Variants in GP6 observed in about 807,000 individuals in gnomAD.
The protein encoded by GP6 is glycoprotein VI platelet.
Under a neutral mutation model 37.3 loss-of-function variants are expected in GP6, and 45 were observed. That is an observed-to-expected ratio of 1.21 (90% CI 0.95 to 1.55). The LOEUF (loss-of-function observed/expected upper bound fraction) is 1.55, where lower values mean the gene tolerates loss of function less well. Among genes scored for constraint, GP6 ranks in the 40% most tolerant of loss-of-function variants. GP6 has a pLI of 0.00. For synonymous variants in GP6, 340 were observed against 316.4 expected (o/e 1.07, Z -0.79); for missense variants, 813 against 760.2 (o/e 1.07, Z -0.82).
In GP6 at chr19:55,014,315, T is replaced by G; in HGVS notation, c.1630A>C (p.Met544Leu). ...TGTTGGTAGAGATGAGGTTTCACCA[T>G]GTTGCACAGGCTGATCTTGTTTTCT... Residue 544 changes from methionine (M) to leucine (L), a missense_variant, in exon 8 of 8, where the codon ATG becomes CTG. Transcript: ENST00000310373. 1 of 1,572,596 alleles carries G rather than the reference T, an allele frequency of 6.4e-7. No homozygotes were observed. The highest frequency in any genetic ancestry group is 8.7e-7 in the Non-Finnish European group (1 of 1,143,660).
intron 1 of GP6, among the ~76,000 whole-genome samples, chr19:55,034,150 ATGTGTGTGTGTGTG>A (rs61435060): frequency 1.3e-5 from 2 of 149,158 alleles, no homozygotes; most frequent in African/African-American, 2.5e-5. Context: ...ATATGTATGC[ATGTGTGTGTGTGTG>A]TGTGTGTGTG....
At chr19:55,016,771 G>A (rs2073891625) in intron 6 of GP6, among the ~76,000 whole-genome samples, 1 of 151,616 alleles carries the variant, frequency 6.6e-6, no homozygotes, top group Non-Finnish European at 1.5e-5. Flanking sequence ...ACATTGTCAG[G>A]CCAGGCATGA....
rs374509474 is a variant in GP6, at chr19:55,014,955, C to T, written c.990G>A (p.Pro330=). 1.1e-5 allele frequency: 18 copies of T among 1,612,706 alleles called. No homozygotes were observed. The African/African-American group carries it at 1.6e-4, about 14-fold the overall frequency. Reference sequence around the variant, plus strand: ...TAACCCGCGGCTGTGAACATCCTGTCGGCCTCCATCCTGACCCCCGTTTGA... The same window carrying T: ...TAACCCGCGGCTGTGAACATCCTGTTGGCCTCCATCCTGACCCCCGTTTGA... The change falls in exon 8 of 8, where the codon CCG becomes CCA. Residue 330 remains proline (P), a synonymous_variant. Transcript: ENST00000310373.
intron 4 of GP6, among the ~76,000 whole-genome samples, chr19:55,025,484 T>C (rs960067989): frequency 6.6e-6 from 1 of 152,138 alleles, no homozygotes; most frequent in Non-Finnish European, 1.5e-5. Context: ...GGAGGGCAGA[T>C]CACTTGAGGT....
Position 55,015,087 on chromosome 19 carries a change from C to T in GP6, c.858G>A (p.Gly286=), listed in dbSNP as rs2073818533. ...GCTGTGCCAGTCCTCTGCCAGAAAC[C>T]CCGCCAGGATTATTAGGATCACAGC... Residue 286 remains glycine, a synonymous_variant, in exon 8 of 8, where the codon GGG becomes GGA. Coordinates refer to ENST00000310373, the MANE Select transcript of GP6 (RefSeq NM_001083899.2). The T allele has an allele frequency of 1.5e-5, 24 of 1,599,260 alleles. No individual in the cohort carries two copies. The highest frequency in any genetic ancestry group is 2.0e-5 in the Non-Finnish European group (24 of 1,173,342).
chr19:55,032,675 G>A, intron 1 of GP6, 137 bp from the exon 2 acceptor site: 4 of 949,352 alleles, frequency 4.2e-6, no homozygotes, highest in Non-Finnish European at 6.7e-6. Flanking sequence ...ACACAGGAAT[G>A]TAATTTAAGT....
rs766027583 is a variant in GP6, at chr19:55,027,708, C to T, written c.480G>A (p.Trp160Ter). ...TGATGATGGGAAAACTAGCCCTGTA[C>T]CATCTCTCGGGATTCTTGTAGGGCG... The change falls in exon 4 of 8, where the codon TGG becomes TGA. Residue 160 changes from tryptophan (W) to a stop codon, truncating the protein, a stop_gained. Transcript: ENST00000310373. LOFTEE classifies it high-confidence loss of function. 3.7e-6 allele frequency: 6 copies of T among 1,613,274 alleles called. No individual in the cohort carries two copies. The South Asian group carries it at 5.5e-5, about 15-fold the overall frequency.
At chr19:55,033,723 A>T (rs1273566897) in intron 1 of GP6, among the ~76,000 whole-genome samples, 1 of 152,130 alleles carries the variant, frequency 6.6e-6, no homozygotes, top group Admixed American at 6.5e-5. Flanking sequence ...TGCATATTGT[A>T]TATTATTGTA....
At chr19:55,025,668 T>C (rs551535219) in intron 4 of GP6, among the ~76,000 whole-genome samples, 4 of 151,114 alleles carry the variant, frequency 2.6e-5, no homozygotes, top group Admixed American at 6.6e-5. Context: ...ATCGCACCAC[T>C]GCACTCCAGC....
chr19:55,036,676 G>A (rs1466268489), intron 1 of GP6, among the ~76,000 whole-genome samples: 1 of 152,102 alleles, frequency 6.6e-6, no homozygotes, highest in African/African-American at 2.4e-5. Context: ...TCCTGCCTGG[G>A]TGACAGAAGT....
rs544204663 is a variant in GP6 at position 55,022,150 on chromosome 19, T to C, written c.664+3068A>G. On this transcript the variant is annotated intron_variant, in intron 5 of 7. Transcript: ENST00000310373. Reference sequence around the variant, plus strand: ...TTTGCTGAGCAGAAGCTCTTTAGTTTAGTTAGATCCCATTTGTCAGTTTTT... The same window carrying C: ...TTTGCTGAGCAGAAGCTCTTTAGTTCAGTTAGATCCCATTTGTCAGTTTTT... Among the ~76,000 whole-genome samples the C allele has an allele frequency of 3.0e-4, 45 of 152,370 alleles. No homozygotes were observed. The South Asian group carries it at 9.1e-3, about 31-fold the overall frequency.
chr19:55,022,471 C>T (rs1004793238), intron 5 of GP6, among the ~76,000 whole-genome samples: 7 of 152,178 alleles, frequency 4.6e-5, no homozygotes, highest in African/African-American at 1.4e-4. Flanking sequence ...CCCTCTTTCA[C>T]CACTCCTATT....
In GP6 at chr19:55,014,170, C is replaced by T. The variant is rs1161213494; in HGVS notation, c.1775G>A (p.Arg592Lys). The change falls in exon 8 of 8, where the codon AGA becomes AAA. Residue 592 changes from arginine to lysine, a missense_variant. Physicochemically the swap from Arg to Lys is conservative, Grantham distance 26. Transcript: ENST00000310373. Reference sequence around the variant, plus strand: ...CCGAGCTAGAGTGCAGTGGTGTGATCTCAGCTCACTGCAACCTCTGCCTCC... The same window carrying T: ...CCGAGCTAGAGTGCAGTGGTGTGATTTCAGCTCACTGCAACCTCTGCCTCC... The T allele has an allele frequency of 4.3e-6, 3 of 704,236 alleles. No individual in the cohort carries two copies. The highest frequency in any genetic ancestry group is 7.8e-6 in the Non-Finnish European group (3 of 386,404). 43.6% of individuals were successfully genotyped at this position (704,236 alleles called of 1,614,324 possible).
intron 4 of GP6, among the ~76,000 whole-genome samples, chr19:55,025,998 C>T (rs866790631): frequency 0.016 from 2,033 of 128,236 alleles, 495 homozygotes; most frequent in Middle Eastern, 0.031. Context: ...TGAGACTCCC[C>T]CCAAAAAAAA....
At chr19:55,028,257 G>A (rs1475927754) in intron 3 of GP6, among the ~76,000 whole-genome samples, 1 of 152,240 alleles carries the variant, frequency 6.6e-6, no homozygotes, top group Admixed American at 6.5e-5. Context: ...TGTGCTGTAA[G>A]CTTGTATTGC....
intron 5 of GP6, among the ~76,000 whole-genome samples, chr19:55,024,360 A>ATGCACGCACACACG (rs796633674): frequency 0.62 from 80,971 of 129,768 alleles, 23,387 homozygotes; most frequent in East Asian, 0.78. Flanking sequence ...ACGCACACAC[A>ATGCACGCACACACG]CATATGCACG....
intron 1 of GP6, among the ~76,000 whole-genome samples, chr19:55,036,628 G>A (rs550728927): frequency 1.4e-4 from 21 of 152,318 alleles, no homozygotes; most frequent in Non-Finnish European, 2.9e-4. Context: ...GAGCCTGGGA[G>A]GTTGAGGCTG....
At chr19:55,016,441 T>C (rs762195630) in intron 6 of GP6, among the ~76,000 whole-genome samples, 3 of 148,920 alleles carry the variant, frequency 2.0e-5, no homozygotes, top group Non-Finnish European at 4.4e-5. Context: ...AGTGGCCCGA[T>C]GTCGGCTCAC....
Position 55,038,233 on chromosome 19 carries a change from A to G in GP6, c.4T>C (p.Ser2Pro). The change falls in exon 1 of 8, where the codon TCT (serine) becomes CCT (proline). Residue 2 changes from serine to proline, a missense_variant. Coordinates refer to ENST00000310373, the MANE Select transcript of GP6 (RefSeq NM_001083899.2). ...CAGAAGAGGGCGGTCGGGGATGGAG[A>G]CATGGTTCCTCAGCCCTGTCCTGAG... is the stretch of plus-strand genomic sequence containing the variant. The G allele has an allele frequency of 6.3e-7, 1 of 1,589,134 alleles. No individual in the cohort carries two copies. The highest frequency in any genetic ancestry group is 8.6e-7 in the Non-Finnish European group (1 of 1,166,770).
Sources: allele counts gnomAD v4.1 joint callset (sites outside exome capture counted in the v4.1 genomes callset), GRCh38; gene constraint gnomAD v4.1.1; transcripts MANE v1.5; gene names NCBI Gene and HGNC (gene_info 2026-07-23, HGNC 2026-07-21).